Variants in UNC13A observed in about 807,000 individuals in gnomAD.
UNC13A encodes the protein unc-13 homolog A.
In UNC13A, 61 loss-of-function variants were observed where a neutral mutation model predicts 219.7. The ratio of observed to expected loss-of-function variants is 0.28; its 90% CI spans 0.23 to 0.34. The LOEUF is 0.34. UNC13A is among the 10% of genes least tolerant of loss of function. The pLI, the probability that UNC13A is intolerant of heterozygous loss-of-function variation, is 1.00. For missense variants in UNC13A, 1,476 were observed against 2,270.3 expected (o/e 0.65, Z 7.11); for synonymous variants, 920 against 884.6 (o/e 1.04, Z -0.71).
At chr19:17,657,267 G>T (rs537109128) in intron 9 of UNC13A, among the ~76,000 whole-genome samples, 1 of 152,180 alleles carries the variant, frequency 6.6e-6, no homozygotes, top group Admixed American at 6.5e-5. Flanking sequence ...TTCCGGCCAC[G>T]CTGGCCACCT....
chr19:17,631,189 TCCCTC>T (rs1384412417), intron 28 of UNC13A, among the ~76,000 whole-genome samples: 3 of 30,858 alleles, frequency 9.7e-5, no homozygotes, highest in African/African-American at 2.3e-4. Context: ...TTTCCTTCCT[TCCCTC>T]CCTCCCTCCC....
chr19:17,655,395 A>G lies in UNC13A; in HGVS notation c.1284-13T>C. 1 of 1,560,090 alleles carries G rather than the reference A, an allele frequency of 6.4e-7. No homozygotes were observed. The highest frequency in any genetic ancestry group is 8.7e-7 in the Non-Finnish European group (1 of 1,151,536). On this transcript the variant is annotated splice_polypyrimidine_tract_variant and intron_variant, in intron 10 of 43. Coordinates refer to ENST00000519716, the MANE Select transcript of UNC13A (RefSeq NM_001080421.3). ...TCTCGGCCTGAAACTGAGGCAGGGAACGCTATGAGGCTCTGGGCTGGCTCT... is the reference window on the plus strand; with the variant it reads ...TCTCGGCCTGAAACTGAGGCAGGGAGCGCTATGAGGCTCTGGGCTGGCTCT...
intron 19 of UNC13A, among the ~76,000 whole-genome samples, chr19:17,644,426 T>G (rs2077002546): frequency 6.6e-6 from 1 of 151,302 alleles, no homozygotes; most frequent in African/African-American, 2.4e-5. Flanking sequence ...TGGGCTCAAG[T>G]GACCCTCCCA....
At chr19:17,633,058 A>C (rs2076874154) in intron 27 of UNC13A, 50 bp downstream of exon 27, 1 of 1,610,204 alleles carries the variant, frequency 6.2e-7, no homozygotes, top group African/African-American at 1.3e-5. Flanking sequence ...ACACAGAGGT[A>C]CAGCCACCTG....
At chr19:17,635,991 C>T (rs1395303418) in intron 26 of UNC13A, 33 bp downstream of exon 26, 4 of 1,586,512 alleles carry the variant, frequency 2.5e-6, no homozygotes, top group Non-Finnish European at 3.5e-6. Flanking sequence ...ACGATGACAC[C>T]CAGATAATTA....
rs562692752 is a variant in UNC13A, at chr19:17,646,626, CACTT to C, written c.2045-519_2045-516del. Among the ~76,000 whole-genome samples, 12 of 152,244 alleles carry C rather than the reference CACTT, an allele frequency of 7.9e-5. No individual in the cohort carries two copies. The South Asian group carries it at 2.5e-3, about 32-fold the overall frequency. ...CAGGTGTGAACTCCCTGAGGTCAGA[CACTT>C]ACAAGAACCCATTGCCCCCCGAGAT... On this transcript the variant is annotated intron_variant, in intron 17 of 43. Coordinates refer to ENST00000519716, the MANE Select transcript of UNC13A (RefSeq NM_001080421.3).
chr19:17,688,049 C>G, intron 1 of UNC13A, 129 bp downstream of exon 1: 1 of 1,208,316 alleles, frequency 8.3e-7, no homozygotes, highest in Admixed American at 3.1e-5. Context: ...ACAAGGGCTA[C>G]CCCTCTCAAA....
At chr19:17,664,496 G>C (rs2079607263) in intron 7 of UNC13A, among the ~76,000 whole-genome samples, 1 of 152,182 alleles carries the variant, frequency 6.6e-6, no homozygotes, top group African/African-American at 2.4e-5. Context: ...CTGAGAAATA[G>C]GGTGACAAAA....
intron 11 of UNC13A, 59 bp downstream of exon 11, chr19:17,655,215 C>T: frequency 7.2e-7 from 1 of 1,397,168 alleles, no homozygotes; most frequent in Non-Finnish European, 9.8e-7. Context: ...ATGTGTGGGC[C>T]TGCCATTGGG....
At position 17,611,842 on chromosome 19, in the gene UNC13A, T is replaced by C; in HGVS notation, c.4572A>G (p.Glu1524=). ...GGACAGAGACTTCACCCACAGGGTC[T>C]TCTACACCCAAGCCTGGGCAGGGCA... ...QTQSAQGLGV[E]DPVGEVSVHV... The change falls in exon 42 of 44, where the codon GAA becomes GAG. Residue 1524 remains glutamate, a synonymous_variant. Coordinates refer to ENST00000519716, the MANE Select transcript of UNC13A (RefSeq NM_001080421.3). 6.2e-7 allele frequency: 1 copy of C among 1,614,014 alleles called. No individual in the cohort carries two copies. The highest frequency in any genetic ancestry group is 2.2e-5 in the East Asian group (1 of 44,884).
chr19:17,622,396 C>G (rs543958454), intron 36 of UNC13A: 5 of 154,312 alleles, frequency 3.2e-5, no homozygotes, highest in African/African-American at 1.2e-4. Flanking sequence ...TGAGCTGAAA[C>G]AGGAGCTATG....
At chr19:17,665,504 G>A (rs1352617699) in intron 7 of UNC13A, among the ~76,000 whole-genome samples, 2 of 152,192 alleles carry the variant, frequency 1.3e-5, no homozygotes, top group African/African-American at 4.8e-5. Flanking sequence ...ATCATTAACA[G>A]ACAAGGTGCA....
Position 17,680,889 on chromosome 19 carries a change from C to CTTTTTTTTTTTTTTTT in UNC13A, c.23-4864_23-4849dup, listed in dbSNP as rs375785182. Among the ~76,000 whole-genome samples, 147 of 48,700 alleles carry CTTTTTTTTTTTTTTTT rather than the reference C, an allele frequency of 3.0e-3. 26 individuals carry two copies. The highest frequency in any genetic ancestry group is 8.7e-3 in the African/African-American group (97 of 11,212). The allele number at this position is 48,700 out of a possible 152,430, so 31.9% of individuals were successfully genotyped here. Reference sequence around the variant, plus strand: ...TTCTTCTTTTTTTTTCTTTTCTTTTCTTTTTTTTTTTTTTTTTTTTTTTGA... The same window carrying CTTTTTTTTTTTTTTTT: ...TTCTTCTTTTTTTTTCTTTTCTTTTCTTTTTTTTTTTTTTTTTTTTTTTTTTTTTTTTTTTTTTTGA... On this transcript the variant is annotated intron_variant, in intron 1 of 43. Transcript: ENST00000519716.
intron 8 of UNC13A, among the ~76,000 whole-genome samples, chr19:17,663,223 G>A (rs1438336700): frequency 1.3e-5 from 2 of 152,032 alleles, no homozygotes; most frequent in African/African-American, 2.4e-5. Context: ...GGAGTGGGGT[G>A]CGGGGGTCAC....
intron 1 of UNC13A, among the ~76,000 whole-genome samples, chr19:17,684,862 C>T (rs1441158771): frequency 1.3e-5 from 2 of 152,200 alleles, no homozygotes; most frequent in Non-Finnish European, 2.9e-5. Flanking sequence ...ATCAGAGACA[C>T]ACTGGTGTGT....
rs1324264989 is a variant in UNC13A at position 17,639,069 on chromosome 19, A to G, written c.3081+14T>C. 6.4e-7 allele frequency: 1 copy of G among 1,573,202 alleles called. No homozygotes were observed. Among genetic ancestry groups the G allele is most frequent in the East Asian group, 2.3e-5 (1 of 43,048 alleles). ...TGGCATCACTGTTCCCTTCTGACCC[A>G]TCTGGAGTCTCACCGGGTCTGTCTG... On this transcript the variant is annotated intron_variant, in intron 25 of 43. Transcript: ENST00000519716.
intron 4 of UNC13A, among the ~76,000 whole-genome samples, chr19:17,669,943 C>CT (rs2079749613): frequency 1.1e-5 from 1 of 87,352 alleles, no homozygotes; most frequent in Non-Finnish European, 2.1e-5. Context: ...TTTTTCTTTT[C>CT]TTTTCTTTTT....
At chr19:17,669,737 C>G (rs2079741965) in intron 4 of UNC13A, 61 bp from the exon 5 acceptor site, 1 of 1,532,712 alleles carries the variant, frequency 6.5e-7, no homozygotes, top group Admixed American at 2.0e-5. Context: ...TCCCCAGGGC[C>G]CCTACTCTCG....
intron 35 of UNC13A, among the ~76,000 whole-genome samples, chr19:17,624,584 T>C (rs1334837374): frequency 6.6e-6 from 1 of 152,182 alleles, no homozygotes; most frequent in African/African-American, 2.4e-5. Flanking sequence ...GAAAATACAA[T>C]GGACTCTGAA....
Sources: allele counts gnomAD v4.1 joint callset (sites outside exome capture counted in the v4.1 genomes callset), GRCh38; gene constraint gnomAD v4.1.1; transcripts MANE v1.5; gene names NCBI Gene and HGNC (gene_info 2026-07-23, HGNC 2026-07-21).